The following GRM5 variants were observed in gnomAD, a reference collection of about 807,000 sequenced individuals.
GRM5 encodes metabotropic glutamate receptor 5.
A neutral mutation model predicts 83.1 loss-of-function variants in GRM5; 19 were observed. The ratio of observed to expected loss-of-function variants is 0.23; its 90% CI spans 0.16 to 0.34. GRM5 has a LOEUF of 0.34. Among genes scored for constraint, GRM5 ranks in the 10% least tolerant of loss-of-function variants. GRM5 has a pLI of 1.00. For missense variants in GRM5, 1,160 were observed against 1,588.3 expected, an observed-to-expected ratio of 0.73 and a Z score of 4.58; for synonymous variants, 675 against 633.6, an observed-to-expected ratio of 1.07 and a Z score of -0.98.
At chr11:88,923,398 C>T (rs887223779) in intron 2 of GRM5, among the ~76,000 whole-genome samples, 25 of 152,230 alleles carry the variant, frequency 1.6e-4, no homozygotes, top group African/African-American at 6.0e-4. Context: ...TCATGTTCAA[C>T]AGCGTGGATG....
intron 3 of GRM5, among the ~76,000 whole-genome samples, chr11:88,811,088 A>T: frequency 6.6e-6 from 1 of 151,860 alleles, no homozygotes; most frequent in East Asian, 1.9e-4. Context: ...ATTATTCTAG[A>T]AACACCTTTT....
chr11:89,028,538 G>T (rs372274048), intron 2 of GRM5, among the ~76,000 whole-genome samples: 1 of 152,208 alleles, frequency 6.6e-6, no homozygotes, highest in East Asian at 1.9e-4. Flanking sequence ...CGAGGCTGCT[G>T]TGAGCCATGA....
intron 3 of GRM5, among the ~76,000 whole-genome samples, chr11:88,779,735 TC>T: frequency 6.6e-6 from 1 of 152,172 alleles, no homozygotes; most frequent in South Asian, 2.1e-4. Context: ...TTATTTGGAT[TC>T]TTAGTCACCG....
intron 3 of GRM5, among the ~76,000 whole-genome samples, chr11:88,697,032 A>C (rs1325547756): frequency 6.6e-6 from 1 of 152,132 alleles, no homozygotes; most frequent in African/African-American, 2.4e-5. Flanking sequence ...ATATTTCCAG[A>C]TTGGCACAAG....
At chr11:88,992,289 G>C (rs1485756973) in intron 2 of GRM5, among the ~76,000 whole-genome samples, 8 of 152,050 alleles carry the variant, frequency 5.3e-5, no homozygotes, top group Non-Finnish European at 1.0e-4. Flanking sequence ...CTGGCCATCA[G>C]AGAAATGTAA....
intron 4 of GRM5, among the ~76,000 whole-genome samples, chr11:88,650,290 A>C (rs7938127): frequency 6.6e-6 from 1 of 151,976 alleles, no homozygotes; most frequent in Non-Finnish European, 1.5e-5. Flanking sequence ...TGTTTTGTCA[A>C]TTTTACAATT....
Position 88,930,999 on chromosome 11 carries a change from A to C in GRM5, c.662-80844T>G, listed in dbSNP as rs1006814009. ...CTGATTTTATTATTTCTAGAGGTGG[A>C]AAGTATACAAAGCATGCTTTATACA... On this transcript the variant is annotated intron_variant, in intron 2 of 9. Coordinates refer to ENST00000305447, the MANE Select transcript of GRM5 (RefSeq NM_001143831.3). Among the ~76,000 whole-genome samples the C allele has an allele frequency of 5.1e-4, 78 of 152,304 alleles. 1 individual carries two copies. Among genetic ancestry groups the C allele is most frequent in the African/African-American group, 1.8e-3 (75 of 41,590 alleles).
At chr11:88,922,202 C>A (rs573384802) in intron 2 of GRM5, among the ~76,000 whole-genome samples, 5 of 152,194 alleles carry the variant, frequency 3.3e-5, no homozygotes, top group African/African-American at 9.6e-5. Flanking sequence ...ATCAAAATAC[C>A]ATTTACCTTC....
intron 8 of GRM5, among the ~76,000 whole-genome samples, chr11:88,545,285 C>G (rs145597882): frequency 9.6e-4 from 146 of 152,244 alleles, no homozygotes; most frequent in Middle Eastern, 3.4e-3. Context: ...AATTATTGGT[C>G]CAATTTTCTT....
At chr11:88,705,745 T>A (rs908274516) in intron 3 of GRM5, among the ~76,000 whole-genome samples, 1 of 151,584 alleles carries the variant, frequency 6.6e-6, no homozygotes, top group South Asian at 2.1e-4. Flanking sequence ...AAATCCAATC[T>A]GATCTTATCT....
At chr11:89,039,157 C>T (rs978074264) in intron 2 of GRM5, among the ~76,000 whole-genome samples, 3 of 151,688 alleles carry the variant, frequency 2.0e-5, no homozygotes, top group African/African-American at 4.8e-5. Flanking sequence ...CCCAGCTACT[C>T]GGGAGACTCA....
chr11:88,776,625 G>A (rs1225090578), intron 3 of GRM5, among the ~76,000 whole-genome samples: 3 of 152,260 alleles, frequency 2.0e-5, no homozygotes, highest in East Asian at 1.9e-4. Flanking sequence ...CTCTTGTAAC[G>A]CAGGCCTGGT....
intron 3 of GRM5, among the ~76,000 whole-genome samples, chr11:88,752,130 TG>T (rs1942288922): frequency 6.6e-6 from 1 of 151,952 alleles, no homozygotes; most frequent in Admixed American, 6.6e-5. Context: ...AATAAATAAA[TG>T]GTATTCAAAT....
At chr11:88,633,312 CCTTTT>C (rs1939031102) in intron 4 of GRM5, among the ~76,000 whole-genome samples, 1 of 152,090 alleles carries the variant, frequency 6.6e-6, no homozygotes, top group African/African-American at 2.4e-5. Context: ...CCAATCTGTG[CCTTTT>C]CTTTTCCATT....
intron 2 of GRM5, among the ~76,000 whole-genome samples, chr11:89,006,123 C>T (rs533320161): frequency 2.6e-3 from 401 of 152,132 alleles, no homozygotes; most frequent in Non-Finnish European, 4.7e-3. Flanking sequence ...TTGCAGAATA[C>T]GGAAAGAGAA....
intron 3 of GRM5, among the ~76,000 whole-genome samples, chr11:88,722,488 A>G (rs1941569353): frequency 6.6e-6 from 1 of 152,140 alleles, no homozygotes; most frequent in Non-Finnish European, 1.5e-5. Context: ...TACATTTCAG[A>G]AGCCATAACA....
chr11:89,002,536 T>C (rs1591038477), intron 2 of GRM5, among the ~76,000 whole-genome samples: 1 of 152,306 alleles, frequency 6.6e-6, no homozygotes, highest in South Asian at 2.1e-4. Context: ...CAACCTGTCA[T>C]TCAAGTTCAT....
At chr11:88,811,144 G>C (rs1030070989) in intron 3 of GRM5, among the ~76,000 whole-genome samples, 4 of 151,938 alleles carry the variant, frequency 2.6e-5, no homozygotes, top group Admixed American at 6.6e-5. Context: ...AACAACACTG[G>C]GGGGTGGATC....
At chr11:89,063,879 C>G (rs1942049205) in intron 1 of GRM5, among the ~76,000 whole-genome samples, 1 of 152,154 alleles carries the variant, frequency 6.6e-6, no homozygotes, top group Admixed American at 6.5e-5. Flanking sequence ...GGCAAGGGAG[C>G]TGGAGGCACT....
Sources: gnomAD v4.1 joint callset for allele counts (sites outside exome capture counted in the v4.1 genomes callset) on GRCh38, gnomAD v4.1.1 for gene constraint, MANE v1.5 for transcripts, NCBI Gene and HGNC (gene_info 2026-07-23, HGNC 2026-07-21) for gene names.